SLC39A8: variants seen among roughly 807,000 people sequenced by gnomAD.
SLC39A8 encodes the protein metal cation symporter ZIP8.
SLC39A8 carries 15 observed loss-of-function variants against 40.4 expected under a neutral mutation model. That is an observed-to-expected ratio of 0.37 (90% CI 0.25 to 0.57). The LOEUF is 0.57. Among genes scored for constraint, SLC39A8 ranks in the 20% least tolerant of loss-of-function variants. SLC39A8 has a pLI of 0.75. For synonymous variants in SLC39A8, 223 were observed against 221.6 expected (o/e 1.01, Z -0.06); for missense variants, 472 against 558.8 (o/e 0.84, Z 1.57).
At chr4:102,332,893 A>G (rs922520058) in intron 2 of SLC39A8, among the ~76,000 whole-genome samples, 2 of 152,230 alleles carry the variant, frequency 1.3e-5, no homozygotes, top group Non-Finnish European at 2.9e-5. Flanking sequence ...GGAAACCATC[A>G]TCCTCAGCAA....
In SLC39A8 at chr4:102,313,615, G is replaced by T. The variant is rs1734537914; in HGVS notation, c.382+2053C>A. ...CTTTATTTTTATTTTTTTGAGATGA[G>T]GTCTCCCTCTGCCACCCAGGCTGGA... On this transcript the variant is annotated intron_variant, in intron 3 of 8. Coordinates refer to ENST00000356736, the MANE Select transcript of SLC39A8 (RefSeq NM_001135146.2). Among the ~76,000 whole-genome samples the T allele has an allele frequency of 3.3e-5, 5 of 151,824 alleles. No homozygotes were observed. In the South Asian group the frequency reaches 1.0e-3, roughly 32 times the overall value.
intron 6 of SLC39A8, among the ~76,000 whole-genome samples, chr4:102,269,304 C>T (rs1027173396): frequency 1.3e-5 from 2 of 152,224 alleles, no homozygotes; most frequent in Non-Finnish European, 2.9e-5. Context: ...GCCTTAGATC[C>T]TGCAATACAT....
intron 6 of SLC39A8, among the ~76,000 whole-genome samples, chr4:102,268,389 C>CTATCT (rs1229054858): frequency 6.6e-6 from 1 of 152,070 alleles, no homozygotes; most frequent in Non-Finnish European, 1.5e-5. Context: ...AGATATTAAC[C>CTATCT]TAAGAAATTT....
At chr4:102,343,146 C>G (rs192885497) in intron 2 of SLC39A8, among the ~76,000 whole-genome samples, 2 of 152,082 alleles carry the variant, frequency 1.3e-5, no homozygotes, top group African/African-American at 4.8e-5. Flanking sequence ...AGACAATTTA[C>G]TAAAGAACAT....
At chr4:102,335,630 A>G (rs1013157824) in intron 2 of SLC39A8, among the ~76,000 whole-genome samples, 2 of 152,232 alleles carry the variant, frequency 1.3e-5, no homozygotes, top group Non-Finnish European at 2.9e-5. Flanking sequence ...AATAAAGCCA[A>G]CTTCTAAATG....
At chr4:102,284,357 TATG>T (rs1269638415) in intron 6 of SLC39A8, among the ~76,000 whole-genome samples, 7 of 152,204 alleles carry the variant, frequency 4.6e-5, no homozygotes, top group Admixed American at 3.3e-4. Flanking sequence ...TTTGTAACTC[TATG>T]ATGTTGGGCT....
chr4:102,272,219 G>C (rs751880183), intron 6 of SLC39A8, among the ~76,000 whole-genome samples: 1 of 151,934 alleles, frequency 6.6e-6, no homozygotes, highest in Non-Finnish European at 1.5e-5. Flanking sequence ...AGATCACGAG[G>C]TCAGGAGATC....
At chr4:102,290,117 G>A (rs894905162) in intron 6 of SLC39A8, among the ~76,000 whole-genome samples, 8 of 146,984 alleles carry the variant, frequency 5.4e-5, no homozygotes, top group African/African-American at 1.8e-4. Flanking sequence ...CCACCACCCT[G>A]GTCAGCAGCC....
At chr4:102,301,284 C>G (rs1388967303) in intron 6 of SLC39A8, among the ~76,000 whole-genome samples, 1 of 152,008 alleles carries the variant, frequency 6.6e-6, no homozygotes, top group Non-Finnish European at 1.5e-5. Flanking sequence ...TTCCAGGTCC[C>G]TTGTGTGTGA....
intron 6 of SLC39A8, among the ~76,000 whole-genome samples, chr4:102,294,366 A>G (rs1436362846): frequency 6.6e-6 from 1 of 152,038 alleles, no homozygotes; most frequent in Non-Finnish European, 1.5e-5. Context: ...CATCCTTTAT[A>G]TATGATCACT....
At chr4:102,343,208 A>G (rs1489370129) in intron 2 of SLC39A8, among the ~76,000 whole-genome samples, 1 of 152,202 alleles carries the variant, frequency 6.6e-6, no homozygotes, top group Non-Finnish European at 1.5e-5. Flanking sequence ...CACCTCTGAC[A>G]TGCCATGGCA....
intron 6 of SLC39A8, among the ~76,000 whole-genome samples, 198 bp from the exon 7 acceptor site, chr4:102,268,277 C>T (rs941950161): frequency 1.7e-4 from 26 of 152,218 alleles, no homozygotes; most frequent in African/African-American, 6.3e-4. Flanking sequence ...TCAACTGACA[C>T]ACCTCGAATA....
intron 6 of SLC39A8, among the ~76,000 whole-genome samples, chr4:102,301,450 A>G (rs1214321767): frequency 2.0e-5 from 3 of 150,394 alleles, no homozygotes; most frequent in African/African-American, 7.5e-5. Flanking sequence ...TCACATCACC[A>G]TGCTTTAGTT....
chr4:102,268,183 C>T (rs1188848044), intron 6 of SLC39A8, 104 bp from the exon 7 acceptor site: 1 of 1,200,308 alleles, frequency 8.3e-7, no homozygotes, highest in Admixed American at 1.9e-5. Flanking sequence ...ATTGTTCCAA[C>T]AGAAAGTCTT....
intron 6 of SLC39A8, among the ~76,000 whole-genome samples, chr4:102,279,633 G>T (rs76588481): frequency 0.012 from 1,776 of 152,226 alleles, 41 homozygotes; most frequent in African/African-American, 0.041. Flanking sequence ...GTCGATGGGG[G>T]GGCCCTATAA....
intron 6 of SLC39A8, among the ~76,000 whole-genome samples, chr4:102,286,650 G>T (rs233815): frequency 0.26 from 40,093 of 151,964 alleles, 5,588 homozygotes; most frequent in South Asian, 0.35. Flanking sequence ...CTAGATAATT[G>T]AGAAGCTTTA....
chr4:102,342,631 T>C (rs1389736740), intron 2 of SLC39A8, among the ~76,000 whole-genome samples: 1 of 152,210 alleles, frequency 6.6e-6, no homozygotes, highest in Non-Finnish European at 1.5e-5. Flanking sequence ...GAGGCCATAA[T>C]GAGGGCAGTT....
intron 6 of SLC39A8, among the ~76,000 whole-genome samples, chr4:102,297,706 C>G (rs926118026): frequency 6.6e-6 from 1 of 151,974 alleles, no homozygotes; most frequent in African/African-American, 2.4e-5. Context: ...CACTTGAGAC[C>G]TGGAGTTCAA....
chr4:102,304,695 G>C (rs765654637), intron 5 of SLC39A8, among the ~76,000 whole-genome samples: 2 of 150,424 alleles, frequency 1.3e-5, no homozygotes, highest in African/African-American at 4.9e-5. Context: ...GTTAGAACAC[G>C]TATACACTCT....
Sources: gnomAD v4.1 joint callset for allele counts (sites outside exome capture counted in the v4.1 genomes callset) on GRCh38, gnomAD v4.1.1 for gene constraint, MANE v1.5 for transcripts, NCBI Gene and HGNC (gene_info 2026-07-23, HGNC 2026-07-21) for gene names.